CSMD2: variants seen among roughly 807,000 people sequenced by gnomAD.
The protein encoded by CSMD2 is CUB and Sushi multiple domains 2.
Under a neutral mutation model 398.5 loss-of-function variants are expected in CSMD2, and 130 were observed. The ratio of observed to expected loss-of-function variants is 0.33; its 90% CI spans 0.28 to 0.38. The LOEUF is 0.38. Ranked by LOEUF, CSMD2 falls within the 10% of genes least tolerant of loss-of-function variation. CSMD2 has a pLI of 1.00. For synonymous variants in CSMD2, 1,828 were observed against 1,908.5 expected (o/e 0.96, Z 1.10); for missense variants, 3,829 against 4,764.9 (o/e 0.80, Z 5.78).
intron 29 of CSMD2, among the ~76,000 whole-genome samples, chr1:33,646,287 A>C (rs963979302): frequency 6.6e-6 from 1 of 152,242 alleles, no homozygotes; most frequent in Non-Finnish European, 1.5e-5. Flanking sequence ...ATTGTGCCTC[A>C]TATCAGAATC....
chr1:33,528,761 T>A (rs1655001890), intron 64 of CSMD2, among the ~76,000 whole-genome samples: 3 of 152,208 alleles, frequency 2.0e-5, no homozygotes. Context: ...CTCTAAAACA[T>A]TATATATTTT....
intron 44 of CSMD2, among the ~76,000 whole-genome samples, chr1:33,587,594 G>A (rs1203140044): frequency 1.3e-5 from 2 of 152,212 alleles, no homozygotes; most frequent in East Asian, 1.9e-4. Context: ...GGTGGCACAG[G>A]TAGGATTTGA....
Position 33,587,157 on chromosome 1 carries a change from T to C in CSMD2, c.6868A>G (p.Thr2290Ala). ...AGGATGGTGGGAGGAGGGCATTTGGTGAGTGGATAAGCTGAAAAGATAAAA... is the reference window on the plus strand; with the variant it reads ...AGGATGGTGGGAGGAGGGCATTTGGCGAGTGGATAAGCTGAAAAGATAAAA... ...FAIAFSAYPL[T>A]KCPPPTILPN... is the part of the protein sequence containing the mutation. The change falls in exon 45 of 71, where the codon ACC (threonine) becomes GCC (alanine). Residue 2290 changes from threonine to alanine, a missense_variant. Thr to Ala is a moderately conservative substitution (Grantham distance 58). Coordinates refer to ENST00000373381, the MANE Select transcript of CSMD2 (RefSeq NM_001281956.2). 6.2e-7 allele frequency: 1 copy of C among 1,609,112 alleles called. No individual in the cohort carries two copies. Among genetic ancestry groups the C allele is most frequent in the Non-Finnish European group, 8.5e-7 (1 of 1,177,934 alleles).
At chr1:34,043,953 A>C (rs996526440) in intron 2 of CSMD2, among the ~76,000 whole-genome samples, 24 of 152,218 alleles carry the variant, frequency 1.6e-4, no homozygotes, top group Admixed American at 1.6e-3. Context: ...AGGGGTTTGA[A>C]GCACGACCTG....
intron 5 of CSMD2, among the ~76,000 whole-genome samples, chr1:33,858,898 AAGTGAATT>A (rs1377573518): frequency 4.6e-5 from 7 of 152,368 alleles, no homozygotes; most frequent in East Asian, 1.9e-4. Flanking sequence ...ATTAACTGCT[AAGTGAATT>A]AGTGAATTAG....
At chr1:33,535,294 C>T (rs1309629862) in intron 62 of CSMD2, among the ~76,000 whole-genome samples, 1 of 152,200 alleles carries the variant, frequency 6.6e-6, no homozygotes, top group Non-Finnish European at 1.5e-5. Flanking sequence ...CAACACCCCT[C>T]CGTAGTAATG....
At chr1:34,118,523 A>G (rs192730406) in intron 1 of CSMD2, among the ~76,000 whole-genome samples, 2 of 152,350 alleles carry the variant, frequency 1.3e-5, no homozygotes, top group East Asian at 3.9e-4. Flanking sequence ...GTACATACAA[A>G]ACTGTTAGAA....
intron 29 of CSMD2, among the ~76,000 whole-genome samples, chr1:33,643,916 AG>A (rs1643263732): frequency 6.6e-6 from 1 of 151,660 alleles, no homozygotes; most frequent in Admixed American, 6.6e-5. Flanking sequence ...GAAGGAAGGA[AG>A]GAAGGAAGGA....
chr1:33,684,997 C>T (rs1645021390), intron 25 of CSMD2, among the ~76,000 whole-genome samples: 1 of 152,210 alleles, frequency 6.6e-6, no homozygotes, highest in South Asian at 2.1e-4. Context: ...AATTGATTTC[C>T]CACTTTTTCC....
chr1:33,875,902 A>G (rs1305238361), intron 5 of CSMD2, among the ~76,000 whole-genome samples: 1 of 152,136 alleles, frequency 6.6e-6, no homozygotes, highest in Non-Finnish European at 1.5e-5. Context: ...TTTTGTCTTC[A>G]TCTATCAGGG....
intron 10 of CSMD2, among the ~76,000 whole-genome samples, chr1:33,793,466 C>G (rs1428682129): frequency 2.0e-5 from 3 of 152,166 alleles, no homozygotes; most frequent in Non-Finnish European, 2.9e-5. Context: ...AGCTGCCTGG[C>G]TCTCGGGGAT....
chr1:33,586,516 G>C lies in CSMD2; in HGVS notation c.7039C>G (p.Pro2347Ala), dbSNP rs1250687677. ...TCCATGCAATTACCTTCACATATCGGGGGTGGTCCTTCAAACTGCAGGTAG... is the reference window on the plus strand; with the variant it reads ...TCCATGCAATTACCTTCACATATCGCGGGTGGTCCTTCAAACTGCAGGTAG... Reference protein sequence around the residue: ...GTYLQFEGPPPICEVHCPTNE... With the variant: ...GTYLQFEGPPAICEVHCPTNE... The change falls in exon 46 of 71, where the codon CCG becomes GCG. Residue 2347 changes from proline to alanine, a missense_variant. Transcript: ENST00000373381. The C allele has an allele frequency of 6.2e-7, 1 of 1,611,272 alleles. No individual in the cohort carries two copies. The highest frequency in any genetic ancestry group is 8.5e-7 in the Non-Finnish European group (1 of 1,177,690).
chr1:33,831,621 A>T (rs369717477), intron 6 of CSMD2, among the ~76,000 whole-genome samples: 3 of 152,110 alleles, frequency 2.0e-5, no homozygotes, highest in African/African-American at 7.2e-5. Context: ...CAAAATAACC[A>T]GCTAACATCA....
intron 13 of CSMD2, among the ~76,000 whole-genome samples, chr1:33,766,016 C>A (rs1483176701): frequency 6.6e-6 from 1 of 152,184 alleles, no homozygotes; most frequent in East Asian, 1.9e-4. Flanking sequence ...CTCTTTTATA[C>A]CTCTTACCCC....
chr1:33,775,711 C>T (rs1569867276), intron 12 of CSMD2, among the ~76,000 whole-genome samples: 1 of 152,080 alleles, frequency 6.6e-6, no homozygotes. Flanking sequence ...CAGGAAGTGG[C>T]TATATGGGTC....
Position 33,616,959 on chromosome 1 carries a change from G to A in CSMD2, c.5963C>T (p.Ser1988Phe). Residue 1988 changes from serine to phenylalanine, a missense_variant, in exon 39 of 71, where the codon TCC becomes TTC. Around this residue, in one of 5 missense-constraint regions of CSMD2, gnomAD observed 2,001 missense variants for 2,567.1 expected, o/e 0.78. Transcript: ENST00000373381. ...GYALQGHAHI[S>F]CMPGTVRRWN... is the part of the protein sequence containing the mutation. Reference sequence around the variant, plus strand: ...TCGCCGCACTGTTCCGGGCATGCAGGAGATGTGGGCGTGGCCCTGGAGGAA... The same window carrying A: ...TCGCCGCACTGTTCCGGGCATGCAGAAGATGTGGGCGTGGCCCTGGAGGAA... 1 of 1,614,188 alleles carries A rather than the reference G, an allele frequency of 6.2e-7. No homozygotes were observed. The highest frequency in any genetic ancestry group is 8.5e-7 in the Non-Finnish European group (1 of 1,180,032).
intron 25 of CSMD2, among the ~76,000 whole-genome samples, chr1:33,682,341 C>T (rs1236764193): frequency 6.6e-6 from 1 of 152,174 alleles, no homozygotes; most frequent in African/African-American, 2.4e-5. Context: ...ACCCTTTATC[C>T]AAATAAGGCA....
intron 3 of CSMD2, among the ~76,000 whole-genome samples, chr1:34,007,382 A>G (rs1044733962): frequency 6.6e-6 from 1 of 152,196 alleles, no homozygotes; most frequent in African/African-American, 2.4e-5. Context: ...CTGTTGGGAT[A>G]TGGGCAATCC....
At chr1:33,807,206 CT>C (rs1205022064) in intron 10 of CSMD2, among the ~76,000 whole-genome samples, 1 of 152,170 alleles carries the variant, frequency 6.6e-6, no homozygotes, top group Non-Finnish European at 1.5e-5. Context: ...GAACTATCAA[CT>C]GATAATCAAA....
Sources: gnomAD v4.1 joint callset for allele counts (sites outside exome capture counted in the v4.1 genomes callset) on GRCh38, gnomAD v4.1.1 for gene constraint, gnomAD v4.1.1 regional missense constraint, MANE v1.5 for transcripts, NCBI Gene and HGNC (gene_info 2026-07-23, HGNC 2026-07-21) for gene names.